The following EYA4 variants were observed in gnomAD, a reference collection of about 807,000 sequenced individuals.
EYA4 encodes EYA transcriptional coactivator and phosphatase 4.
EYA4 carries 31 observed loss-of-function variants against 87.9 expected under a neutral mutation model. That is an observed-to-expected ratio of 0.35 (90% CI 0.27 to 0.48). EYA4 has a LOEUF of 0.48. Ranked by LOEUF, EYA4 falls within the 20% of genes least tolerant of loss-of-function variation. The pLI is 0.99. For missense variants in EYA4, 678 were observed against 761.4 expected (o/e 0.89, Z 1.29); for synonymous variants, 263 against 270.6 (o/e 0.97, Z 0.28).
chr6:133,378,663 T>G (rs1562350110), intron 2 of EYA4, among the ~76,000 whole-genome samples: 1 of 152,108 alleles, frequency 6.6e-6, no homozygotes, highest in Non-Finnish European at 1.5e-5. Context: ...CTAAGCACTG[T>G]GCCTGGCATG....
At chr6:133,417,065 C>T (rs1359282019) in intron 3 of EYA4, among the ~76,000 whole-genome samples, 1 of 152,076 alleles carries the variant, frequency 6.6e-6, no homozygotes, top group Non-Finnish European at 1.5e-5. Flanking sequence ...TCTTGGCTAT[C>T]GATTTTTGCA....
intron 2 of EYA4, among the ~76,000 whole-genome samples, chr6:133,338,910 T>C (rs1025504016): frequency 1.3e-5 from 2 of 152,100 alleles, no homozygotes; most frequent in African/African-American, 4.8e-5. Flanking sequence ...ATATAAACCC[T>C]TAAGAATCAG....
chr6:133,351,719 G>T (rs1562319082), intron 2 of EYA4, among the ~76,000 whole-genome samples: 2 of 152,136 alleles, frequency 1.3e-5, no homozygotes, highest in Admixed American at 1.3e-4. Flanking sequence ...TACAGGAAGG[G>T]TGTTGGGTAC....
chr6:133,441,601 A>T (rs1444271857), intron 3 of EYA4, among the ~76,000 whole-genome samples: 8 of 152,164 alleles, frequency 5.3e-5, no homozygotes, highest in Admixed American at 5.2e-4. Context: ...AGATGGCTAA[A>T]CTAATTCTGA....
intron 19 of EYA4, chr6:133,526,025 GC>G (rs1800605076): frequency 2.1e-6 from 1 of 477,710 alleles, no homozygotes; most frequent in Non-Finnish European, 2.7e-6. Flanking sequence ...ATTTTAATAA[GC>G]CTTTTCATCT....
At chr6:133,374,246 TATTGTGAC>T (rs1785495236) in intron 2 of EYA4, among the ~76,000 whole-genome samples, 2 of 152,104 alleles carry the variant, frequency 1.3e-5, no homozygotes, top group African/African-American at 4.8e-5. Context: ...ACTTGAAAGC[TATTGTGAC>T]AGTTGTAGTT....
At chr6:133,285,480 C>T (rs1431090833) in intron 2 of EYA4, among the ~76,000 whole-genome samples, 1 of 152,078 alleles carries the variant, frequency 6.6e-6, no homozygotes, top group Non-Finnish European at 1.5e-5. Flanking sequence ...AATAAGGCTG[C>T]AAAGGTAATC....
chr6:133,401,583 G>T (rs1351041596), intron 3 of EYA4, among the ~76,000 whole-genome samples: 1 of 152,006 alleles, frequency 6.6e-6, no homozygotes, highest in African/African-American at 2.4e-5. Flanking sequence ...GATGCAAAAA[G>T]ACCTGAGTGC....
intron 2 of EYA4, among the ~76,000 whole-genome samples, chr6:133,320,695 T>C (rs1781021259): frequency 6.6e-6 from 1 of 152,160 alleles, no homozygotes; most frequent in Admixed American, 6.6e-5. Flanking sequence ...CCCCTCTTTT[T>C]GGATTTCCCA....
At chr6:133,267,266 TA>T (rs1346615726) in intron 1 of EYA4, among the ~76,000 whole-genome samples, 1 of 152,342 alleles carries the variant, frequency 6.6e-6, no homozygotes, top group East Asian at 1.9e-4. Context: ...AAATTTTTTT[TA>T]GTGTTTCCCA....
chr6:133,512,650 A>C, intron 14 of EYA4, 71 bp from the exon 15 acceptor site: 1 of 1,182,608 alleles, frequency 8.5e-7, no homozygotes, highest in South Asian at 1.2e-5. Context: ...AGATGAGAAG[A>C]TGGGAAAACC....
At position 133,481,514 on chromosome 6, in the gene EYA4, A is replaced by C; in HGVS notation, c.1022A>C (p.Glu341Ala). ...TCCACACCCATCAAAGATCTTGATG[A>C]GAGAACCTGTAGGAGTTCTGGGTCA... ...SPSTPIKDLD[E>A]RTCRSSGSKS... Residue 341 changes from glutamate (E) to alanine (A), a missense_variant, in exon 12 of 20, where the codon GAG (glutamate) becomes GCG (alanine). Glu to Ala is a moderately radical substitution (Grantham distance 107, BLOSUM62 -1). Transcript: ENST00000355286. 1 of 1,613,170 alleles carries C rather than the reference A, an allele frequency of 6.2e-7. No homozygotes were observed. The highest frequency in any genetic ancestry group is 8.5e-7 in the Non-Finnish European group (1 of 1,179,188).
At chr6:133,410,094 G>A (rs211624) in intron 3 of EYA4, among the ~76,000 whole-genome samples, 56,633 of 151,890 alleles carry the variant, frequency 0.37, 13,465 homozygotes, top group Non-Finnish European at 0.53. Context: ...ACTAATATTT[G>A]CAAAACCAGT....
chr6:133,262,011 C>CAAA (rs1775834321), intron 1 of EYA4, among the ~76,000 whole-genome samples: 1 of 152,150 alleles, frequency 6.6e-6, no homozygotes, highest in Non-Finnish European at 1.5e-5. Flanking sequence ...CTATTTTATT[C>CAAA]CAGTCTTTAT....
At chr6:133,284,150 T>C (rs1365220272) in intron 2 of EYA4, among the ~76,000 whole-genome samples, 2 of 152,208 alleles carry the variant, frequency 1.3e-5, no homozygotes, top group Non-Finnish European at 2.9e-5. Context: ...GATCAAACAA[T>C]TTTAAATATT....
rs1046862474 is a variant in EYA4 at position 133,259,744 on chromosome 6, C to T, written c.-65-14972C>T. On this transcript the variant is annotated intron_variant, in intron 1 of 19. Transcript: ENST00000355286. ...ATTTATTGCCATATTATATAACTCT[C>T]ATGTTTACTTTGTTGTGTTTGGGAC... is the stretch of plus-strand genomic sequence containing the variant. Among the ~76,000 whole-genome samples the T allele has an allele frequency of 4.6e-5, 7 of 152,286 alleles. 3 individuals are homozygous for T. The highest frequency in any genetic ancestry group is 1.9e-4 in the East Asian group (1 of 5,186).
chr6:133,422,919 G>T (rs1290079477), intron 3 of EYA4, among the ~76,000 whole-genome samples: 1 of 152,102 alleles, frequency 6.6e-6, no homozygotes, highest in Non-Finnish European at 1.5e-5. Flanking sequence ...AGTTCTTTCT[G>T]TATCTCTGGC....
At chr6:133,445,802 G>T (rs1401941417) in intron 3 of EYA4, among the ~76,000 whole-genome samples, 2 of 151,978 alleles carry the variant, frequency 1.3e-5, no homozygotes, top group African/African-American at 4.8e-5. Flanking sequence ...GGATGGTCTC[G>T]ATCTCCTGAC....
At chr6:133,496,127 G>GAA (rs1274573550) in intron 13 of EYA4, among the ~76,000 whole-genome samples, 9 of 152,268 alleles carry the variant, frequency 5.9e-5, no homozygotes, top group South Asian at 2.1e-4. Flanking sequence ...AGGTTATTCT[G>GAA]ATGATTAGTT....
Sources: gnomAD v4.1 joint callset for allele counts (sites outside exome capture counted in the v4.1 genomes callset) on GRCh38, gnomAD v4.1.1 for gene constraint, MANE v1.5 for transcripts, NCBI Gene and HGNC (gene_info 2026-07-23, HGNC 2026-07-21) for gene names.